TEKT5: variants seen among roughly 807,000 people sequenced by gnomAD.
The protein encoded by TEKT5 is tektin 5.
Under a neutral mutation model 48.7 loss-of-function variants are expected in TEKT5, and 52 were observed. The ratio of observed to expected loss-of-function variants is 1.07; its 90% CI spans 0.86 to 1.35. TEKT5 has a LOEUF of 1.35. TEKT5 is among the 40% of genes most tolerant of loss of function. The pLI, the probability that TEKT5 is intolerant of heterozygous loss-of-function variation, is 0.00. For synonymous variants in TEKT5, 318 were observed against 267.6 expected (o/e 1.19, Z -1.84); for missense variants, 831 against 641.6 (o/e 1.30, Z -3.19).
chr16:10,688,672 G>T (rs1898909413), intron 3 of TEKT5, among the ~76,000 whole-genome samples: 1 of 152,232 alleles, frequency 6.6e-6, no homozygotes, highest in Non-Finnish European at 1.5e-5. Flanking sequence ...TGGGCCCCAA[G>T]CCCCGTAAAA....
chr16:10,662,535 C>A (rs868802852), intron 5 of TEKT5, among the ~76,000 whole-genome samples: 1 of 152,246 alleles, frequency 6.6e-6, no homozygotes, highest in African/African-American at 2.4e-5. Context: ...CCCGGCACCA[C>A]CACCCTATAA....
chr16:10,681,060 C>T (rs1286667853), intron 4 of TEKT5, among the ~76,000 whole-genome samples: 1 of 144,666 alleles, frequency 6.9e-6, no homozygotes, highest in Non-Finnish European at 1.5e-5. Context: ...AAAAAAAAAC[C>T]TCACAATGCT....
intron 5 of TEKT5, among the ~76,000 whole-genome samples, chr16:10,644,238 G>A (rs1328661497): frequency 6.6e-6 from 1 of 152,140 alleles, no homozygotes; most frequent in Non-Finnish European, 1.5e-5. Flanking sequence ...CAACTGCCCT[G>A]TGAGAAAGTG....
At chr16:10,686,978 T>G (rs1199202266) in intron 3 of TEKT5, among the ~76,000 whole-genome samples, 1 of 152,038 alleles carries the variant, frequency 6.6e-6, no homozygotes, top group Non-Finnish European at 1.5e-5. Context: ...GTAAAATAAG[T>G]CAGGCACAGA....
rs77020408 is a variant in TEKT5 at position 10,689,231 on chromosome 16, TAAA to T, written c.719+19_719+21del. The T allele has an allele frequency of 6.7e-5, 93 of 1,382,936 alleles. No individual in the cohort carries two copies. Among genetic ancestry groups the T allele is most frequent in the Middle Eastern group, 2.0e-4 (1 of 5,096 alleles). 85.7% of individuals were successfully genotyped at this position (1,382,936 alleles called of 1,614,324 possible). A position where few individuals can be genotyped will look rare whatever the true frequency, so the allele number is the denominator to read the frequency against. ...AAAACAAACCCCAAGGAGAGGGAAT[TAAA>T]AAAAAAAAAAGCCCTTACCGCATCT... On this transcript the variant is annotated intron_variant, in intron 3 of 6. Coordinates refer to ENST00000283025, the MANE Select transcript of TEKT5 (RefSeq NM_144674.2).
At chr16:10,629,681 G>C (rs1423925724) in intron 6 of TEKT5, among the ~76,000 whole-genome samples, 1 of 152,228 alleles carries the variant, frequency 6.6e-6, no homozygotes, top group South Asian at 2.1e-4. Flanking sequence ...ATGGCTCACA[G>C]GTCCGCAGTT....
Position 10,643,929 on chromosome 16 carries a change from C to T in TEKT5, c.1087-8011G>A, listed in dbSNP as rs573733557. Among the ~76,000 whole-genome samples the T allele has an allele frequency of 2.6e-5, 4 of 152,222 alleles. No individual in the cohort carries two copies. In the South Asian group the frequency reaches 8.3e-4, roughly 32 times the overall value. ...TGGTGGCAGGCGCCTGTAATCCCAA[C>T]TACGCGGGAGGCTGAGGCAGGAGAA... On this transcript the variant is annotated intron_variant, in intron 5 of 6. Transcript: ENST00000283025.
intron 1 of TEKT5, among the ~76,000 whole-genome samples, chr16:10,693,726 C>T (rs561350717): frequency 1.3e-5 from 2 of 152,288 alleles, no homozygotes; most frequent in Non-Finnish European, 2.9e-5. Context: ...CCCATGCCTG[C>T]AATCCCAGCA....
chr16:10,689,207 A>C, intron 3 of TEKT5, 46 bp downstream of exon 3: 3 of 1,546,014 alleles, frequency 1.9e-6, no homozygotes, highest in Non-Finnish European at 2.6e-6. Context: ...GAGAGTCCTA[A>C]AACAAACCCC....
chr16:10,685,033 G>C (rs577439044), intron 3 of TEKT5, among the ~76,000 whole-genome samples: 1 of 152,182 alleles, frequency 6.6e-6, no homozygotes, highest in African/African-American at 2.4e-5. Context: ...GCTGGCTCTC[G>C]GTTAATTAGT....
chr16:10,646,541 T>C (rs1233088579), intron 5 of TEKT5, among the ~76,000 whole-genome samples: 1 of 152,196 alleles, frequency 6.6e-6, no homozygotes, highest in African/African-American at 2.4e-5. Flanking sequence ...AAGGAATGAC[T>C]GAATGAGGTT....
intron 3 of TEKT5, among the ~76,000 whole-genome samples, chr16:10,683,549 C>T (rs1455464009): frequency 3.9e-5 from 6 of 152,102 alleles, no homozygotes; most frequent in African/African-American, 7.2e-5. Context: ...ATACCAAACT[C>T]GACTATTTAC....
At chr16:10,691,687 G>A (rs989428100) in intron 1 of TEKT5, among the ~76,000 whole-genome samples, 1 of 152,118 alleles carries the variant, frequency 6.6e-6, no homozygotes, top group Non-Finnish European at 1.5e-5. Flanking sequence ...GGTGGCTCAC[G>A]CCTGTAATCC....
chr16:10,685,693 T>C (rs1567236233), intron 3 of TEKT5, among the ~76,000 whole-genome samples: 1 of 152,208 alleles, frequency 6.6e-6, no homozygotes, highest in Non-Finnish European at 1.5e-5. Flanking sequence ...TATCTGACTC[T>C]GTGCCTCTCT....
At chr16:10,645,050 C>T (rs1282449922) in intron 5 of TEKT5, among the ~76,000 whole-genome samples, 3 of 152,128 alleles carry the variant, frequency 2.0e-5, no homozygotes, top group Non-Finnish European at 1.5e-5. Context: ...TCACCAGAAC[C>T]CGATCATGCT....
At chr16:10,643,488 A>G (rs183142319) in intron 5 of TEKT5, among the ~76,000 whole-genome samples, 32 of 152,354 alleles carry the variant, frequency 2.1e-4, no homozygotes, top group African/African-American at 7.7e-4. Flanking sequence ...AGCTCTTCAC[A>G]TACTATTCAT....
chr16:10,652,603 G>GACAC (rs71133381), intron 5 of TEKT5, among the ~76,000 whole-genome samples: 1 of 12,250 alleles, frequency 8.2e-5, no homozygotes, highest in African/African-American at 4.8e-4. Context: ...TACACAGGCA[G>GACAC]ACACACACAC....
At chr16:10,642,012 G>C (rs1368479172) in intron 5 of TEKT5, among the ~76,000 whole-genome samples, 1 of 152,230 alleles carries the variant, frequency 6.6e-6, no homozygotes, top group Non-Finnish European at 1.5e-5. Flanking sequence ...AAAAGCTAAG[G>C]GGCTGGCCGC....
chr16:10,676,323 T>A, intron 4 of TEKT5, 142 bp from the exon 5 acceptor site: 6 of 796,388 alleles, frequency 7.5e-6, no homozygotes, highest in Non-Finnish European at 1.2e-5. Context: ...TTAAGCAGCA[T>A]CCCTGGCCTC....
Sources: gnomAD v4.1 joint callset for allele counts (sites outside exome capture counted in the v4.1 genomes callset) on GRCh38, gnomAD v4.1.1 for gene constraint, MANE v1.5 for transcripts, NCBI Gene and HGNC (gene_info 2026-07-23, HGNC 2026-07-21) for gene names.